The following UBE3A variants were observed in gnomAD, a reference collection of about 807,000 sequenced individuals.
The protein encoded by UBE3A is ubiquitin-protein ligase E3A.
In UBE3A, 6 loss-of-function variants were observed where a neutral mutation model predicts 83.4. The ratio of observed to expected loss-of-function variants is 0.07; its 90% CI spans 0.04 to 0.14. UBE3A has a LOEUF of 0.14. Ranked by LOEUF, UBE3A falls within the 10% of genes least tolerant of loss-of-function variation. The pLI, the probability that UBE3A is intolerant of heterozygous loss-of-function variation, is 1.00. For missense variants in UBE3A, 456 were observed against 1,036.1 expected (o/e 0.44, Z 7.69); for synonymous variants, 337 against 355.4 (o/e 0.95, Z 0.58).
At chr15:25,346,264 C>T (rs767759862) in intron 11 of UBE3A, 1 of 152,446 alleles carries the variant, frequency 6.6e-6, no homozygotes, top group Non-Finnish European at 1.5e-5. Flanking sequence ...GAAGGCCCCT[C>T]AAGCAGCACT....
chr15:25,354,289 C>T, intron 11 of UBE3A, 64 bp downstream of exon 11: 1 of 1,493,212 alleles, frequency 6.7e-7, no homozygotes. Flanking sequence ...AGATAAAGGT[C>T]TGAAGCAAAA....
At chr15:25,362,177 C>T (rs935484831) in intron 6 of UBE3A, among the ~76,000 whole-genome samples, 1 of 152,202 alleles carries the variant, frequency 6.6e-6, no homozygotes, top group Non-Finnish European at 1.5e-5. Context: ...CTAGGGATTG[C>T]AGTCAAAGAG....
intron 4 of UBE3A, among the ~76,000 whole-genome samples, chr15:25,401,266 T>G (rs918299124): frequency 6.6e-6 from 1 of 152,198 alleles, no homozygotes; most frequent in Non-Finnish European, 1.5e-5. Flanking sequence ...GTAATTTTCT[T>G]TTCCTGGAGA....
chr15:25,433,413 C>T (rs1480289578), intron 1 of UBE3A, among the ~76,000 whole-genome samples: 1 of 152,070 alleles, frequency 6.6e-6, no homozygotes, highest in Admixed American at 6.6e-5. Flanking sequence ...GTCTCGATCT[C>T]CTGATCTCGT....
intron 1 of UBE3A, among the ~76,000 whole-genome samples, chr15:25,413,696 G>A (rs955975292): frequency 6.6e-5 from 10 of 152,074 alleles, no homozygotes; most frequent in Non-Finnish European, 8.8e-5. Context: ...CCAAAAAGAC[G>A]TGAAAACCAC....
At chr15:25,393,118 T>G (rs891980841) in intron 4 of UBE3A, among the ~76,000 whole-genome samples, 1 of 152,018 alleles carries the variant, frequency 6.6e-6, no homozygotes, top group Non-Finnish European at 1.5e-5. Flanking sequence ...TGGGCAAAAC[T>G]GGAGGCAAGC....
rs187084807 is a variant in UBE3A, at chr15:25,338,963, A to G, written c.*174T>C. ...TGCTGTTCCAGCCCACATGTCCCCA[A>G]TAAAGAAGGGAGGCACAGACATAGG... On this transcript the variant is annotated 3_prime_UTR_variant, in exon 13 of 13. Transcript: ENST00000648336. 5.7e-5 allele frequency: 30 copies of G among 523,064 alleles called. No homozygotes were observed. The highest frequency in any genetic ancestry group is 8.5e-5 in the Non-Finnish European group (28 of 328,302). 32.4% of individuals were successfully genotyped at this position (523,064 alleles called of 1,614,324 possible).
At chr15:25,388,345 T>G (rs1466355369) in intron 4 of UBE3A, among the ~76,000 whole-genome samples, 2 of 152,140 alleles carry the variant, frequency 1.3e-5, no homozygotes, top group South Asian at 2.1e-4. Context: ...CAATTCACCA[T>G]ATCAACAGAC....
intron 1 of UBE3A, among the ~76,000 whole-genome samples, chr15:25,423,755 A>G (rs1251158938): frequency 6.6e-6 from 1 of 152,216 alleles, no homozygotes; most frequent in African/African-American, 2.4e-5. Flanking sequence ...TATGATGCAC[A>G]GATTTAATGC....
At chr15:25,404,562 G>T (rs1268441221) in intron 4 of UBE3A, among the ~76,000 whole-genome samples, 2 of 151,890 alleles carry the variant, frequency 1.3e-5, no homozygotes, top group Admixed American at 6.6e-5. Context: ...AATTTATTTT[G>T]AATTCCTATT....
rs868631318 is a variant in UBE3A, at chr15:25,439,020, G to A, written c.-696C>T. The A allele has an allele frequency of 8.6e-5, 13 of 152,028 alleles. No homozygotes were observed. The highest frequency in any genetic ancestry group is 2.1e-4 in the South Asian group (1 of 4,832). 9.4% of individuals were successfully genotyped at this position (152,028 alleles called of 1,614,324 possible). A position where few individuals can be genotyped will look rare whatever the true frequency, so the allele number is the denominator to read the frequency against. On this transcript the variant is annotated 5_prime_UTR_variant, in exon 1 of 13. Coordinates refer to ENST00000648336, the MANE Select transcript of UBE3A (RefSeq NM_130839.5). ...CTCGCGGCCGCGGCGCAAGACGGGAGGACTGGCTGGGCGGGCCGAGTATCC... is the reference window on the plus strand; with the variant it reads ...CTCGCGGCCGCGGCGCAAGACGGGAAGACTGGCTGGGCGGGCCGAGTATCC...
intron 1 of UBE3A, among the ~76,000 whole-genome samples, chr15:25,437,462 C>A (rs929219346): frequency 1.3e-5 from 2 of 152,078 alleles, no homozygotes; most frequent in African/African-American, 2.4e-5. Context: ...CCAAAAAAAA[C>A]TGTAATAATT....
chr15:25,395,822 C>T (rs1030245626), intron 4 of UBE3A, among the ~76,000 whole-genome samples: 9 of 152,204 alleles, frequency 5.9e-5, no homozygotes, highest in Admixed American at 4.6e-4. Context: ...CCATAAATCA[C>T]TTGTTGTATT....
At chr15:25,419,135 T>C (rs1408822793) in intron 1 of UBE3A, 1 of 152,164 alleles carries the variant, frequency 6.6e-6, no homozygotes, top group Non-Finnish European at 1.5e-5. Flanking sequence ...TGCTGATATT[T>C]AAGGCACTAA....
At chr15:25,429,843 A>T (rs1892537302) in intron 1 of UBE3A, among the ~76,000 whole-genome samples, 2 of 150,568 alleles carry the variant, frequency 1.3e-5, no homozygotes, top group African/African-American at 4.9e-5. Context: ...TGTATCTACT[A>T]AAAATACAAA....
intron 3 of UBE3A, chr15:25,408,851 T>C (rs2089321640): frequency 1.3e-6 from 1 of 761,482 alleles, no homozygotes; most frequent in Non-Finnish European, 2.0e-6. Flanking sequence ...TGAAGTTTTT[T>C]TGAGAAATAC....
intron 1 of UBE3A, among the ~76,000 whole-genome samples, chr15:25,431,358 CTTTT>C (rs1567198107): frequency 6.6e-6 from 1 of 151,968 alleles, no homozygotes. Flanking sequence ...CTTTTCTTTT[CTTTT>C]TTGAGATGAA....
chr15:25,420,483 C>T (rs1350857937), intron 1 of UBE3A, among the ~76,000 whole-genome samples: 1 of 152,016 alleles, frequency 6.6e-6, no homozygotes, highest in Non-Finnish European at 1.5e-5. Flanking sequence ...AGAAGAAATA[C>T]ATTTATCTAT....
At chr15:25,384,722 A>G (rs2082803681) in intron 4 of UBE3A, among the ~76,000 whole-genome samples, 1 of 152,184 alleles carries the variant, frequency 6.6e-6, no homozygotes, top group African/African-American at 2.4e-5. Flanking sequence ...AATCTGGACA[A>G]AAAACAAAGC....
Sources: gnomAD v4.1 joint callset for allele counts (sites outside exome capture counted in the v4.1 genomes callset) on GRCh38, gnomAD v4.1.1 for gene constraint, MANE v1.5 for transcripts, NCBI Gene and HGNC (gene_info 2026-07-23, HGNC 2026-07-21) for gene names.